The following MBNL1 variants were observed in gnomAD, a reference collection of about 807,000 sequenced individuals.
MBNL1 encodes the protein muscleblind-like protein 1.
A neutral mutation model predicts 42.2 loss-of-function variants in MBNL1; 8 were observed. That is an observed-to-expected ratio of 0.19 (90% CI 0.11 to 0.34). The LOEUF (loss-of-function observed/expected upper bound fraction) is 0.34, where lower values mean the gene tolerates loss of function less well. Ranked by LOEUF, MBNL1 falls within the 10% of genes least tolerant of loss-of-function variation. The probability of loss-of-function intolerance (pLI) is 1.00; values close to 1 mark genes in which losing one functional copy is unlikely to be tolerated. For synonymous variants in MBNL1, 169 were observed against 173.9 expected, an observed-to-expected ratio of 0.97 and a Z score of 0.22; for missense variants, 309 against 495.3, an observed-to-expected ratio of 0.62 and a Z score of 3.57.
chr3:152,455,082 C>A (rs1445436705), intron 6 of MBNL1, among the ~76,000 whole-genome samples: 1 of 151,962 alleles, frequency 6.6e-6, no homozygotes, highest in Non-Finnish European at 1.5e-5. Context: ...CAGTTTTGTA[C>A]ATTGAATTAT....
intron 2 of MBNL1, among the ~76,000 whole-genome samples, chr3:152,258,570 G>A (rs898580400): frequency 6.6e-5 from 10 of 152,120 alleles, no homozygotes; most frequent in African/African-American, 2.2e-4. Context: ...AAGGCAGCAG[G>A]GCAAGGTTGC....
chr3:152,359,532 T>A (rs1011136291), intron 2 of MBNL1, among the ~76,000 whole-genome samples: 3 of 152,190 alleles, frequency 2.0e-5, no homozygotes, highest in Non-Finnish European at 2.9e-5. Flanking sequence ...TAAAGCTACC[T>A]AAGTGAAATC....
At chr3:152,426,165 G>A (rs892581130) in intron 3 of MBNL1, among the ~76,000 whole-genome samples, 2 of 145,854 alleles carry the variant, frequency 1.4e-5, no homozygotes, top group East Asian at 2.0e-4. Context: ...ATGTGGGCAC[G>A]GGGGGGGAAC....
At chr3:152,316,165 A>G (rs1424110949) in intron 2 of MBNL1, among the ~76,000 whole-genome samples, 1 of 152,196 alleles carries the variant, frequency 6.6e-6, no homozygotes, top group Non-Finnish European at 1.5e-5. Context: ...CCTCTGGTTT[A>G]TCTGGCTTAG....
Position 152,251,142 on chromosome 3 carries a change from A to T in MBNL1, n.333+6702A>T, listed in dbSNP as rs139337304. On this transcript the variant is annotated intron_variant and non_coding_transcript_variant, in intron 2 of 2. Transcript: ENST00000477171. ...AGATTTACATAGCTACACTACTTTT[A>T]TCTAATATTTGTCCATGTTCCAATT... Among the ~76,000 whole-genome samples the T allele has an allele frequency of 5.7e-3, 867 of 152,180 alleles. 6 individuals are homozygous for T. The highest frequency in any genetic ancestry group is 0.02 in the African/African-American group (834 of 41,554).
chr3:152,266,160 G>A (rs1576828854), upstream of MBNL1: 1 of 152,144 alleles, frequency 6.6e-6, no homozygotes, highest in Non-Finnish European at 1.5e-5. Context: ...ATTTGGACTC[G>A]AGTTATAGAT....
At chr3:152,370,750 A>G (rs1338228168) in intron 2 of MBNL1, among the ~76,000 whole-genome samples, 1 of 151,804 alleles carries the variant, frequency 6.6e-6, no homozygotes, top group African/African-American at 2.4e-5. Flanking sequence ...ACCATTATGT[A>G]ATGCCCTTCT....
At chr3:152,450,828 A>T (rs1721437730) in intron 6 of MBNL1, among the ~76,000 whole-genome samples, 1 of 152,218 alleles carries the variant, frequency 6.6e-6, no homozygotes, top group African/African-American at 2.4e-5. Context: ...TTGTATGTTT[A>T]TATGTGAAAT....
At chr3:152,366,138 A>G (rs1364363144) in intron 2 of MBNL1, among the ~76,000 whole-genome samples, 2 of 152,156 alleles carry the variant, frequency 1.3e-5, no homozygotes, top group Non-Finnish European at 2.9e-5. Flanking sequence ...AAAAAGAGTA[A>G]TTTTGTTGAT....
chr3:152,295,822 CAT>C (rs954579018), intron 1 of MBNL1, among the ~76,000 whole-genome samples: 2 of 152,236 alleles, frequency 1.3e-5, no homozygotes, highest in Non-Finnish European at 2.9e-5. Context: ...GGAGCTCACA[CAT>C]GTCTTGGCAC....
chr3:152,407,433 G>C (rs374909194), intron 2 of MBNL1, among the ~76,000 whole-genome samples: 18 of 151,904 alleles, frequency 1.2e-4, no homozygotes, highest in African/African-American at 4.4e-4. Context: ...TAAGAGAATT[G>C]CCTCATTTTT....
chr3:152,354,539 A>T (rs2095363974), intron 2 of MBNL1, among the ~76,000 whole-genome samples: 1 of 152,034 alleles, frequency 6.6e-6, no homozygotes, highest in African/African-American at 2.4e-5. Context: ...TTAATTCTGT[A>T]TTTGGGGTCT....
chr3:152,423,333 G>T (rs1370179202), intron 3 of MBNL1, among the ~76,000 whole-genome samples: 7 of 152,150 alleles, frequency 4.6e-5, no homozygotes, highest in African/African-American at 1.7e-4. Context: ...AAACCTAAAA[G>T]AAATAGATAA....
At position 152,437,970 on chromosome 3, in the gene MBNL1, C is replaced by T. The variant is rs574300130; in HGVS notation, c.549+5050C>T. Among the ~76,000 whole-genome samples, 7 of 152,154 alleles carry T rather than the reference C, an allele frequency of 4.6e-5. No homozygotes were observed. The South Asian group carries it at 1.5e-3, about 32-fold the overall frequency. On this transcript the variant is annotated intron_variant, in intron 4 of 9. Coordinates refer to ENST00000324210, the MANE Select transcript of MBNL1 (RefSeq NM_021038.5). ...TGTATTTTCAGTGGAGATGGGGTTT[C>T]ACCATGTTTGCCAGGCTGGTCTCAG...
intron 1 of MBNL1, among the ~76,000 whole-genome samples, chr3:152,280,568 A>G (rs1433548325): frequency 3.3e-5 from 5 of 152,178 alleles, no homozygotes; most frequent in African/African-American, 1.2e-4. Flanking sequence ...CTTGATTGGA[A>G]GCAGGTTAAA....
chr3:152,380,775 G>A (rs2097146927), intron 2 of MBNL1, among the ~76,000 whole-genome samples: 1 of 151,706 alleles, frequency 6.6e-6, no homozygotes, highest in African/African-American at 2.4e-5. Flanking sequence ...AAATGTGTGT[G>A]GATGCCACTA....
At chr3:152,364,045 A>C (rs952697466) in intron 2 of MBNL1, among the ~76,000 whole-genome samples, 4 of 152,086 alleles carry the variant, frequency 2.6e-5, no homozygotes, top group African/African-American at 9.7e-5. Context: ...TAATAAGACT[A>C]TTGGTCAGGT....
chr3:152,356,493 T>C (rs1214277335), intron 2 of MBNL1, among the ~76,000 whole-genome samples: 4 of 152,242 alleles, frequency 2.6e-5, no homozygotes, highest in African/African-American at 9.6e-5. Context: ...TTTATTTATT[T>C]GAGACAGAGT....
chr3:152,437,240 GTTC>G (rs748567053), intron 4 of MBNL1, among the ~76,000 whole-genome samples: 2 of 152,168 alleles, frequency 1.3e-5, no homozygotes, highest in Non-Finnish European at 2.9e-5. Flanking sequence ...CTATTGGCCA[GTTC>G]TTCTTGCCAC....
Sources: allele counts gnomAD v4.1 joint callset (sites outside exome capture counted in the v4.1 genomes callset), GRCh38; gene constraint gnomAD v4.1.1; transcripts MANE v1.5; gene names NCBI Gene and HGNC (gene_info 2026-07-23, HGNC 2026-07-21).